The following CCR2 variants were observed in gnomAD, a reference collection of about 807,000 sequenced individuals.
CCR2 encodes C-C chemokine receptor type 2.
For missense variants in CCR2, 408 were observed against 440.0 expected (o/e 0.93, Z 0.65); for synonymous variants, 183 against 177.1 (o/e 1.03, Z -0.27).
intron 1 of CCR2, among the ~76,000 whole-genome samples, 179 bp from the exon 2 acceptor site, chr3:46,357,298 T>C (rs942172165): frequency 1.3e-4 from 20 of 152,216 alleles, no homozygotes; most frequent in Non-Finnish European, 4.4e-5. Flanking sequence ...GGGTAAATCA[T>C]TGATGTCTGC....
rs891301645 is a variant in CCR2, at chr3:46,359,540, G to A, written c.*930G>A. ...GTGGAACCACTGCAGAACTATTTCC[G>A]AAATCAACTAAGTGGAGAGAGCCAG... On this transcript the variant is annotated 3_prime_UTR_variant, in exon 2 of 2. Transcript: ENST00000445132. 36 of 1,051,188 alleles carry A rather than the reference G, an allele frequency of 3.4e-5. No homozygotes were observed. The highest frequency in any genetic ancestry group is 4.3e-5 in the Non-Finnish European group (32 of 746,112). 65.1% of individuals were successfully genotyped at this position (1,051,188 alleles called of 1,614,324 possible). A position where few individuals can be genotyped will look rare whatever the true frequency, so the allele number is the denominator to read the frequency against.
intron 1 of CCR2, among the ~76,000 whole-genome samples, chr3:46,356,608 G>C (rs1459046537): frequency 6.6e-6 from 1 of 152,132 alleles, no homozygotes. Flanking sequence ...GAACGTTTTT[G>C]ACTTCAGAGA....
At position 46,357,966 on chromosome 3, in the gene CCR2, T is replaced by C. The variant is rs1701485695; in HGVS notation, c.439T>C (p.Phe147Leu). ...ATACCTGGCTATTGTCCATGCTGTG[T>C]TTGCTTTAAAAGCCAGGACGGTCAC... Reference protein sequence around the residue: ...DRYLAIVHAVFALKARTVTFG... With the variant: ...DRYLAIVHAVLALKARTVTFG... The change falls in exon 2 of 2, where the codon TTT (phenylalanine) becomes CTT (leucine). Residue 147 changes from phenylalanine to leucine, a missense_variant. Physicochemically the swap from Phe to Leu is conservative, Grantham distance 22. Transcript: ENST00000445132. 2 of 1,614,090 alleles carry C rather than the reference T, an allele frequency of 1.2e-6. No individual in the cohort carries two copies. The highest frequency in any genetic ancestry group is 2.2e-5 in the East Asian group (1 of 44,900).
chr3:46,359,998 A>G lies in CCR2; in HGVS notation c.*1388A>G. ...AGAGACTCCAGCTGGGTTGGAAAAC[A>G]GTATTTTCCAAACTACCTTCCAGTT... On this transcript the variant is annotated 3_prime_UTR_variant, in exon 2 of 2. Coordinates refer to ENST00000445132, the MANE Select transcript of CCR2 (RefSeq NM_001123396.4). The G allele has an allele frequency of 2.7e-6, 2 of 749,314 alleles. No homozygotes were observed. The highest frequency in any genetic ancestry group is 2.1e-6 in the Non-Finnish European group (1 of 474,852). The allele number at this position is 749,314 out of a possible 1,614,324, so 46.4% of individuals were successfully genotyped here.
chr3:46,360,115 A>G lies in CCR2; in HGVS notation c.*1505A>G, dbSNP rs140253702. 4,643 of 431,256 alleles carry G rather than the reference A, an allele frequency of 0.011. 37 individuals carry two copies. Among genetic ancestry groups the G allele is most frequent in the Non-Finnish European group, 0.015 (3,662 of 243,026 alleles). 26.7% of individuals were successfully genotyped at this position (431,256 alleles called of 1,614,324 possible). ...AAAACTGCAACTTGTAAATGTGGTA[A>G]AGAGTTAGTTTGAGTTACTATCATG... On this transcript the variant is annotated 3_prime_UTR_variant, in exon 2 of 2. Transcript: ENST00000445132.
rs982897191 is a variant in CCR2, at chr3:46,359,623, G to C, written c.*1013G>C. 18 of 1,546,614 alleles carry C rather than the reference G, an allele frequency of 1.2e-5. No homozygotes were observed. The highest frequency in any genetic ancestry group is 1.5e-5 in the Non-Finnish European group (17 of 1,142,718). ...GTCTGGATCTGAGCTGGTTTGTTTT[G>C]TGCTTGCTTTTCCCTGCCTTGCCAC... On this transcript the variant is annotated 3_prime_UTR_variant, in exon 2 of 2. Coordinates refer to ENST00000445132, the MANE Select transcript of CCR2 (RefSeq NM_001123396.4).
chr3:46,358,670 A>G lies in CCR2; in HGVS notation c.*60A>G. ...AGATAACAATCTGTATATAACAACA[A>G]ACTTCAAGGGTTTGTTGAACAATAG... is the stretch of plus-strand genomic sequence containing the variant. On this transcript the variant is annotated 3_prime_UTR_variant, in exon 2 of 2. Transcript: ENST00000445132. 1 of 1,506,524 alleles carries G rather than the reference A, an allele frequency of 6.6e-7. No individual in the cohort carries two copies. The highest frequency in any genetic ancestry group is 8.9e-7 in the Non-Finnish European group (1 of 1,125,498). The allele number at this position is 1,506,524 out of a possible 1,614,324, so 93.3% of individuals were successfully genotyped here.
rs554382556 is a variant in CCR2, at chr3:46,356,905, G to A, written c.-51-572G>A. Among the ~76,000 whole-genome samples the A allele has an allele frequency of 1.2e-3, 162 of 137,602 alleles. 4 individuals are homozygous for A. The South Asian group carries it at 0.035, about 30-fold the overall frequency. The allele number at this position is 137,602 out of a possible 152,430, so 90.3% of individuals were successfully genotyped here. On this transcript the variant is annotated intron_variant, in intron 1 of 1. Transcript: ENST00000445132. The stretch of plus-strand genomic sequence containing the variant: ...CTGCACTATAGCCTGGAGACACAGC[G>A]AGACTCCGTCTCCAAAAAAAAAAAA...
intron 1 of CCR2, among the ~76,000 whole-genome samples, chr3:46,357,135 C>G (rs1701468792): frequency 6.6e-6 from 1 of 152,242 alleles, no homozygotes. Flanking sequence ...AAGCCCCCAG[C>G]AGACTCCCTT....
At position 46,360,071 on chromosome 3, in the gene CCR2, A is replaced by G; in HGVS notation, c.*1461A>G. The G allele has an allele frequency of 2.0e-6, 1 of 504,500 alleles. No individual in the cohort carries two copies. Among genetic ancestry groups the G allele is most frequent in the Non-Finnish European group, 3.4e-6 (1 of 290,502 alleles). The allele number at this position is 504,500 out of a possible 1,614,324, so 31.3% of individuals were successfully genotyped here. A position where few individuals can be genotyped will look rare whatever the true frequency, so the allele number is the denominator to read the frequency against. On this transcript the variant is annotated 3_prime_UTR_variant, in exon 2 of 2. Transcript: ENST00000445132. Reference sequence around the variant, plus strand: ...AGAGTTCAGACTTTTTTTAAATAGTAAAAATAAAATTAAAGCTGAAAACTG... The same window carrying G: ...AGAGTTCAGACTTTTTTTAAATAGTGAAAATAAAATTAAAGCTGAAAACTG...
rs780507473 is a variant in CCR2, at chr3:46,357,720, C to T, written c.193C>T (p.Leu65Phe). ...FGFVGNMLVV[L>F]ILINCKKLKC... ...TTTTGTGGGCAACATGCTGGTCGTC[C>T]TCATCTTAATAAACTGCAAAAAGCT... The change falls in exon 2 of 2, where the codon CTC becomes TTC. Residue 65 changes from leucine (L) to phenylalanine (F), a missense_variant. Physicochemically the swap from Leu to Phe is conservative, Grantham distance 22. Transcript: ENST00000445132. 9.9e-6 allele frequency: 16 copies of T among 1,614,134 alleles called. 1 individual carries two copies. The South Asian group carries it at 1.8e-4, about 18-fold the overall frequency.
At chr3:46,356,032 G>T (rs962763673) in intron 1 of CCR2, among the ~76,000 whole-genome samples, 4 of 152,200 alleles carry the variant, frequency 2.6e-5, no homozygotes, top group African/African-American at 9.6e-5. Flanking sequence ...CCCCATTTGG[G>T]GTGGGTTGAA....
In CCR2 at chr3:46,358,202, C is replaced by T; in HGVS notation, c.675C>T (p.Ile225=). ...TCATGGTCATCTGCTACTCGGGAAT[C>T]CTGAAAACCCTGCTTCGGTGTCGAA... The part of the protein sequence containing the change: ...LLIMVICYSG[I]LKTLLRCRNE... The change falls in exon 2 of 2, where the codon ATC becomes ATT. Residue 225 remains isoleucine, a synonymous_variant. Coordinates refer to ENST00000445132, the MANE Select transcript of CCR2 (RefSeq NM_001123396.4). 1 of 1,614,182 alleles carries T rather than the reference C, an allele frequency of 6.2e-7. No individual in the cohort carries two copies. Among genetic ancestry groups the T allele is most frequent in the Non-Finnish European group, 8.5e-7 (1 of 1,180,020 alleles).
At chr3:46,355,651 G>A (rs1701438979) in intron 1 of CCR2, among the ~76,000 whole-genome samples, 1 of 152,176 alleles carries the variant, frequency 6.6e-6, no homozygotes, top group African/African-American at 2.4e-5. Flanking sequence ...CAGGAGTGAG[G>A]AGTGTGTGAA....
chr3:46,356,507 G>T (rs1701454143), intron 1 of CCR2, among the ~76,000 whole-genome samples: 1 of 152,124 alleles, frequency 6.6e-6, no homozygotes, highest in South Asian at 2.1e-4. Context: ...ATAAAACCAG[G>T]GCATTTGAAA....
rs779353944 is a variant in CCR2, at chr3:46,358,259, C to T, written c.732C>T (p.Val244=). The change falls in exon 2 of 2, where the codon GTC becomes GTT. Residue 244 remains valine (V), a synonymous_variant. Transcript: ENST00000445132. The part of the protein sequence containing the change: ...NEKKRHRAVR[V]IFTIMIVYFL... ...AGAAGAGGCATAGGGCAGTGAGAGT[C>T]ATCTTCACCATCATGATTGTTTACT... 4.3e-6 allele frequency: 7 copies of T among 1,614,206 alleles called. No individual in the cohort carries two copies. Among genetic ancestry groups the T allele is most frequent in the Non-Finnish European group, 5.9e-6 (7 of 1,180,028 alleles).
rs368302176 is a variant in CCR2, at chr3:46,358,220, G to T, written c.693G>T (p.Arg231=). The T allele has an allele frequency of 3.1e-6, 5 of 1,614,148 alleles. No individual in the cohort carries two copies. The highest frequency in any genetic ancestry group is 4.2e-6 in the Non-Finnish European group (5 of 1,180,010). ...CYSGILKTLL[R]CRNEKKRHRA... ...CGGGAATCCTGAAAACCCTGCTTCG[G>T]TGTCGAAACGAGAAGAAGAGGCATA... The change falls in exon 2 of 2, where the codon CGG becomes CGT. Residue 231 remains arginine, a synonymous_variant. Transcript: ENST00000445132.
Position 46,357,868 on chromosome 3 carries a change from A to T in CCR2, c.341A>T (p.Lys114Ile). 6.2e-7 allele frequency: 1 copy of T among 1,614,188 alleles called. No homozygotes were observed. Among genetic ancestry groups the T allele is most frequent in the Non-Finnish European group, 8.5e-7 (1 of 1,180,016 alleles). ...NEWVFGNAMC[K>I]LFTGLYHIGY... The stretch of plus-strand genomic sequence containing the variant: ...TGGGTCTTTGGGAATGCAATGTGCA[A>T]ATTATTCACAGGGCTGTATCACATC... Residue 114 changes from lysine (K) to isoleucine (I), a missense_variant, in exon 2 of 2, where the codon AAA becomes ATA. By Grantham distance (102) the Lys-to-Ile change is moderately radical (BLOSUM62 -3). Transcript: ENST00000445132.
rs41430746 is a variant in CCR2, at chr3:46,360,155, G to T, written c.*1545G>T. On this transcript the variant is annotated 3_prime_UTR_variant, in exon 2 of 2. Transcript: ENST00000445132. The stretch of plus-strand genomic sequence containing the variant: ...TTACTATCATGTCAAACGTGAAAAT[G>T]CTGTATTAGTCACAGAGATAATTCT... 40 of 335,106 alleles carry T rather than the reference G, an allele frequency of 1.2e-4. 3 individuals carry two copies. Among genetic ancestry groups the T allele is most frequent in the East Asian group, 8.3e-4 (10 of 12,070 alleles). The allele number at this position is 335,106 out of a possible 1,614,324, so 20.8% of individuals were successfully genotyped here.
Sources: allele counts gnomAD v4.1 joint callset (sites outside exome capture counted in the v4.1 genomes callset), GRCh38; gene constraint gnomAD v4.1.1; transcripts MANE v1.5; gene names NCBI Gene and HGNC (gene_info 2026-07-23, HGNC 2026-07-21).